Variants in PPP1CB observed in about 807,000 individuals in gnomAD.
PPP1CB encodes serine/threonine-protein phosphatase PP1-beta catalytic subunit.
Under a neutral mutation model 43.7 loss-of-function variants are expected in PPP1CB, and 2 were observed. That is an observed-to-expected ratio of 0.05 (90% CI 0.02 to 0.14). The LOEUF (loss-of-function observed/expected upper bound fraction) is 0.14, where lower values mean the gene tolerates loss of function less well. PPP1CB is among the 10% of genes least tolerant of loss of function. The pLI is 1.00. For synonymous variants in PPP1CB, 136 were observed against 135.6 expected (o/e 1.00, Z -0.02); for missense variants, 84 against 398.0 (o/e 0.21, Z 6.71).
chr2:28,768,365 A>G (rs909052172), intron 1 of PPP1CB, among the ~76,000 whole-genome samples: 2 of 152,206 alleles, frequency 1.3e-5, no homozygotes, highest in Admixed American at 6.5e-5. Flanking sequence ...GGAGAGAACC[A>G]CATAAAATCT....
At chr2:28,777,189 G>A (rs1013378405) in intron 2 of PPP1CB, 5 of 368,634 alleles carry the variant, frequency 1.4e-5, no homozygotes, top group African/African-American at 1.0e-4. Flanking sequence ...CAGATAAAAG[G>A]AGTTCTATTT....
chr2:28,774,489 G>T (rs531543907), intron 1 of PPP1CB, among the ~76,000 whole-genome samples: 1 of 152,118 alleles, frequency 6.6e-6, no homozygotes, highest in Admixed American at 6.5e-5. Flanking sequence ...GCTGTGGTGC[G>T]ATCTCGGCTC....
intron 1 of PPP1CB, among the ~76,000 whole-genome samples, chr2:28,773,137 A>T (rs1183749139): frequency 6.6e-6 from 1 of 152,202 alleles, no homozygotes; most frequent in Non-Finnish European, 1.5e-5. Flanking sequence ...AGGTATATAG[A>T]TAGTTTAAAA....
chr2:28,797,573 C>T lies in PPP1CB; in HGVS notation c.880-1626C>T, dbSNP rs566222939. ...TTTCTATGAATTCATTTCTTGGGAGCGCATGTGTGTTTTTGTGAATGTATT... is the reference window on the plus strand; with the variant it reads ...TTTCTATGAATTCATTTCTTGGGAGTGCATGTGTGTTTTTGTGAATGTATT... On this transcript the variant is annotated intron_variant, in intron 7 of 7. Coordinates refer to ENST00000395366, the MANE Select transcript of PPP1CB (RefSeq NM_002709.3). Among the ~76,000 whole-genome samples, 24 of 152,008 alleles carry T rather than the reference C, an allele frequency of 1.6e-4. No homozygotes were observed. The East Asian group carries it at 4.0e-3, about 26-fold the overall frequency.
chr2:28,776,059 G>C (rs972604739), intron 1 of PPP1CB, among the ~76,000 whole-genome samples: 10 of 151,936 alleles, frequency 6.6e-5, no homozygotes, highest in African/African-American at 2.4e-4. Context: ...GGGACTGCTG[G>C]TAACATTCCA....
intron 5 of PPP1CB, among the ~76,000 whole-genome samples, chr2:28,784,238 T>C (rs1667213640): frequency 6.6e-6 from 1 of 152,232 alleles, no homozygotes; most frequent in Non-Finnish European, 1.5e-5. Flanking sequence ...TGAGTCCTTA[T>C]ACCTATTTTT....
chr2:28,786,652 G>A (rs1667271543), intron 5 of PPP1CB, among the ~76,000 whole-genome samples: 2 of 151,382 alleles, frequency 1.3e-5, no homozygotes, highest in African/African-American at 4.8e-5. Context: ...GTGGGCGCCT[G>A]TAGTCCCAGC....
At chr2:28,780,084 CTTTTTTTTTTTTT>C (rs10559224) in intron 3 of PPP1CB, among the ~76,000 whole-genome samples, 10 of 131,816 alleles carry the variant, frequency 7.6e-5, no homozygotes, top group African/African-American at 2.2e-4. Flanking sequence ...TCTTTTCTTT[CTTTTTTTTTTTTT>C]TTTTTTTTGA....
At chr2:28,793,118 A>G (rs1022965217) in intron 6 of PPP1CB, among the ~76,000 whole-genome samples, 3 of 152,150 alleles carry the variant, frequency 2.0e-5, no homozygotes, top group Non-Finnish European at 4.4e-5. Context: ...AGGCAGGAGA[A>G]TGGCTTGATC....
In PPP1CB at chr2:28,799,672, TTTAA is replaced by T. The variant is rs1410264336; in HGVS notation, c.*373_*376del. On this transcript the variant is annotated 3_prime_UTR_variant, in exon 8 of 8. Transcript: ENST00000395366. ...ATGTGGTTTTAGTGTTGCTTGGTTGTTTAATTATTTTGAGCTTGTTTTGTTTTTG... is the reference window on the plus strand; with the variant it reads ...ATGTGGTTTTAGTGTTGCTTGGTTGTTTATTTTGAGCTTGTTTTGTTTTTG... 1.2e-5 allele frequency: 2 copies of T among 167,612 alleles called. No homozygotes were observed. The highest frequency in any genetic ancestry group is 6.4e-5 in the Admixed American group (1 of 15,718). 10.4% of individuals were successfully genotyped at this position (167,612 alleles called of 1,614,324 possible).
chr2:28,764,376 C>T (rs1044147327), intron 1 of PPP1CB, among the ~76,000 whole-genome samples: 3 of 150,378 alleles, frequency 2.0e-5, no homozygotes, highest in Non-Finnish European at 2.9e-5. Context: ...AGGAGAATGG[C>T]GTGAACCCGG....
chr2:28,754,132 T>C (rs2148452427), intron 1 of PPP1CB, among the ~76,000 whole-genome samples: 1 of 152,280 alleles, frequency 6.6e-6, no homozygotes, highest in African/African-American at 2.4e-5. Context: ...TTTCCATATA[T>C]TTTGTAGGCA....
intron 6 of PPP1CB, among the ~76,000 whole-genome samples, chr2:28,790,639 C>T (rs1017113185): frequency 2.6e-5 from 4 of 152,120 alleles, no homozygotes; most frequent in Non-Finnish European, 5.9e-5. Flanking sequence ...TGCTCCTGGC[C>T]GGTATCAATT....
At chr2:28,778,474 C>CCATCAGTCT (rs1263040414) in intron 2 of PPP1CB, 1 of 484,766 alleles carries the variant, frequency 2.1e-6, no homozygotes, top group African/African-American at 2.0e-5. Context: ...TCCTTATAGA[C>CCATCAGTCT]TGATGGACTA....
chr2:28,756,786 C>G (rs1403665961), intron 1 of PPP1CB, among the ~76,000 whole-genome samples: 1 of 138,898 alleles, frequency 7.2e-6, no homozygotes, highest in Non-Finnish European at 1.5e-5. Flanking sequence ...CTGCGCCCAG[C>G]CTGTAGTGTC....
intron 1 of PPP1CB, among the ~76,000 whole-genome samples, chr2:28,758,151 TC>T (rs1470979619): frequency 6.6e-6 from 1 of 151,362 alleles, no homozygotes; most frequent in Non-Finnish European, 1.5e-5. Context: ...GCTCAAGTGA[TC>T]CTTCTACCTC....
chr2:28,752,702 C>T (rs1666349892), intron 1 of PPP1CB, among the ~76,000 whole-genome samples: 1 of 152,216 alleles, frequency 6.6e-6, no homozygotes, highest in Non-Finnish European at 1.5e-5. Flanking sequence ...CATTTTTACA[C>T]AATGCTATAT....
chr2:28,774,495 G>A (rs1451145771), intron 1 of PPP1CB, among the ~76,000 whole-genome samples: 1 of 151,716 alleles, frequency 6.6e-6, no homozygotes, highest in African/African-American at 2.4e-5. Context: ...GTGCGATCTC[G>A]GCTCACTGCA....
intron 2 of PPP1CB, chr2:28,778,446 A>G: frequency 2.1e-6 from 1 of 476,554 alleles, no homozygotes; most frequent in South Asian, 1.5e-5. Flanking sequence ...TGAAGGTTGA[A>G]CTGTGAAAGG....
Sources: gnomAD v4.1 joint callset for allele counts (sites outside exome capture counted in the v4.1 genomes callset) on GRCh38, gnomAD v4.1.1 for gene constraint, MANE v1.5 for transcripts, NCBI Gene and HGNC (gene_info 2026-07-23, HGNC 2026-07-21) for gene names.